The following CORIN variants were observed in gnomAD, a reference collection of about 807,000 sequenced individuals.
CORIN encodes the protein corin, serine peptidase.
A neutral mutation model predicts 125.3 loss-of-function variants in CORIN; 117 were observed. That is an observed-to-expected ratio of 0.93 (90% CI 0.80 to 1.09). The LOEUF is 1.09. Ranked by LOEUF, CORIN falls within the 50% of genes least tolerant of loss-of-function variation. The pLI, the probability that CORIN is intolerant of heterozygous loss-of-function variation, is 0.00. For synonymous variants in CORIN, 450 were observed against 466.4 expected (o/e 0.96, Z 0.45); for missense variants, 1,253 against 1,306.7 (o/e 0.96, Z 0.63).
chr4:47,624,086 C>T, intron 17 of CORIN, 138 bp from the exon 18 acceptor site: 2 of 697,066 alleles, frequency 2.9e-6, no homozygotes, highest in Non-Finnish European at 4.9e-6. Context: ...CCTGTGTTAC[C>T]ACAGGAAAGC....
intron 5 of CORIN, among the ~76,000 whole-genome samples, chr4:47,717,226 G>C: frequency 6.6e-6 from 1 of 152,048 alleles, no homozygotes. Context: ...GGATCTAATA[G>C]ACAACTCACG....
intron 1 of CORIN, among the ~76,000 whole-genome samples, chr4:47,815,260 A>C (rs1395484969): frequency 6.6e-6 from 1 of 152,084 alleles, no homozygotes; most frequent in Non-Finnish European, 1.5e-5. Flanking sequence ...AAAGCAAAAG[A>C]AAAATGAAAA....
At chr4:47,636,254 C>T (rs6825929) in intron 16 of CORIN, among the ~76,000 whole-genome samples, 2,276 of 152,264 alleles carry the variant, frequency 0.015, 20 homozygotes, top group Non-Finnish European at 0.024. Context: ...CACACTGTTT[C>T]CCGATTATCT....
chr4:47,668,012 G>A (rs560061917), intron 10 of CORIN, among the ~76,000 whole-genome samples: 84 of 152,202 alleles, frequency 5.5e-4, no homozygotes, highest in African/African-American at 1.9e-3. Context: ...GATCTCTCTC[G>A]CTCTCTTTTC....
At position 47,594,640 on chromosome 4, in the gene CORIN, T is replaced by C. The variant is rs1208420201; in HGVS notation, c.*1081A>G. 2 of 152,176 alleles carry C rather than the reference T, an allele frequency of 1.3e-5. No homozygotes were observed. The highest frequency in any genetic ancestry group is 4.8e-5 in the African/African-American group (2 of 41,452). The allele number at this position is 152,176 out of a possible 1,614,324, so 9.4% of individuals were successfully genotyped here. A position where few individuals can be genotyped will look rare whatever the true frequency, so the allele number is the denominator to read the frequency against. On this transcript the variant is annotated 3_prime_UTR_variant, in exon 22 of 22. Transcript: ENST00000273857. ...CTTACTGTGCTCTAAAATATGCTCT[T>C]TATGACTTTGTTGGTATGGATGAAC...
Position 47,678,039 on chromosome 4 carries a change from C to T in CORIN, c.1148G>A (p.Gly383Asp), listed in dbSNP as rs1725108661. The T allele has an allele frequency of 1.9e-6, 3 of 1,613,672 alleles. No individual in the cohort carries two copies. Among genetic ancestry groups the T allele is most frequent in the Non-Finnish European group, 2.5e-6 (3 of 1,179,620 alleles). ...DEVNCSCHSQ[G>D]LVECRNGQCI... The stretch of plus-strand genomic sequence containing the variant: ...TTGTCCATTTCTGCATTCCACCAGA[C>T]CCTGGCTGTGACAGGCTAGGAAGGA... Residue 383 changes from glycine (G) to aspartate (D), a missense_variant, in exon 9 of 22, where the codon GGT becomes GAT. By Grantham distance (94) the Gly-to-Asp change is moderately conservative (BLOSUM62 -1). Transcript: ENST00000273857.
intron 12 of CORIN, among the ~76,000 whole-genome samples, chr4:47,660,092 C>T (rs1474292948): frequency 6.6e-5 from 10 of 152,204 alleles, no homozygotes; most frequent in Non-Finnish European, 7.4e-5. Flanking sequence ...GGGGAAAGGA[C>T]AGTCTCTTCA....
At chr4:47,736,276 AAAC>A (rs1437687938) in intron 5 of CORIN, among the ~76,000 whole-genome samples, 1 of 152,180 alleles carries the variant, frequency 6.6e-6, no homozygotes, top group African/African-American at 2.4e-5. Flanking sequence ...GACCTCTACT[AAAC>A]AACGTGTGAA....
intron 5 of CORIN, among the ~76,000 whole-genome samples, chr4:47,714,309 C>A (rs545295632): frequency 6.6e-6 from 1 of 151,828 alleles, no homozygotes; most frequent in Non-Finnish European, 1.5e-5. Flanking sequence ...TAACACAAAC[C>A]GAAAATTTAA....
rs1470788986 is a variant in CORIN at position 47,806,970 on chromosome 4, T to C, written c.141A>G (p.Leu47=). ...AGATACATGGAATCAGGACCAGCAATAGGAACCGGAGGAGGTTAGCAGTCG... is the reference window on the plus strand; with the variant it reads ...AGATACATGGAATCAGGACCAGCAACAGGAACCGGAGGAGGTTAGCAGTCG... ...KLATANLLRF[L]LLVLIPCICA... Residue 47 remains leucine, a synonymous_variant, in exon 2 of 22, where the codon CTA becomes CTG. Coordinates refer to ENST00000273857, the MANE Select transcript of CORIN (RefSeq NM_006587.4). The C allele has an allele frequency of 6.2e-7, 1 of 1,613,804 alleles. No individual in the cohort carries two copies. Among genetic ancestry groups the C allele is most frequent in the African/African-American group, 1.3e-5 (1 of 74,902 alleles).
At chr4:47,651,215 GATTCATGACAATGAATAGTTAATTGTCC>G (rs1490757283) in intron 13 of CORIN, among the ~76,000 whole-genome samples, 1 of 152,248 alleles carries the variant, frequency 6.6e-6, no homozygotes, top group Middle Eastern at 3.2e-3. Context: ...GGGAGCTGCA[GATTCATGACAATGAATAGTTAATTGTCC>G]AATTATTCAG....
intron 6 of CORIN, among the ~76,000 whole-genome samples, chr4:47,687,293 AGTGTCTC>A (rs1725563071): frequency 6.6e-6 from 1 of 152,256 alleles, no homozygotes; most frequent in Non-Finnish European, 1.5e-5. Context: ...CAAAGATCAC[AGTGTCTC>A]CTTTTACTGA....
intron 5 of CORIN, among the ~76,000 whole-genome samples, chr4:47,715,656 A>G (rs1727056003): frequency 6.6e-6 from 1 of 152,120 alleles, no homozygotes; most frequent in Admixed American, 6.6e-5. Context: ...CAGAAATAAG[A>G]ACACCTCCAA....
chr4:47,639,378 T>C (rs991773873), intron 16 of CORIN, among the ~76,000 whole-genome samples: 7 of 152,202 alleles, frequency 4.6e-5, no homozygotes, highest in Admixed American at 4.6e-4. Context: ...TACCTACATG[T>C]CTTCCCCACT....
At chr4:47,657,081 T>G (rs761178810) in intron 12 of CORIN, among the ~76,000 whole-genome samples, 1 of 151,884 alleles carries the variant, frequency 6.6e-6, no homozygotes, top group Non-Finnish European at 1.5e-5. Context: ...ATCAAAGAAA[T>G]GAAAGGTCTC....
chr4:47,645,756 C>T (rs1031442931), intron 13 of CORIN, among the ~76,000 whole-genome samples: 4 of 151,886 alleles, frequency 2.6e-5, no homozygotes, highest in African/African-American at 4.8e-5. Flanking sequence ...CAAGGTAGTG[C>T]GTGCCTGTAA....
intron 4 of CORIN, among the ~76,000 whole-genome samples, chr4:47,763,113 T>G (rs1215822583): frequency 6.6e-6 from 1 of 152,218 alleles, no homozygotes; most frequent in Non-Finnish European, 1.5e-5. Flanking sequence ...GAGTGTGTTG[T>G]CTGTCTTATG....
At chr4:47,631,873 T>C (rs1722820736) in intron 16 of CORIN, among the ~76,000 whole-genome samples, 1 of 152,236 alleles carries the variant, frequency 6.6e-6, no homozygotes, top group Admixed American at 6.5e-5. Flanking sequence ...TTATATTTGC[T>C]TCTTGAGGAA....
intron 3 of CORIN, among the ~76,000 whole-genome samples, chr4:47,783,742 C>G (rs7698105): frequency 0.15 from 22,647 of 151,852 alleles, 1,904 homozygotes; most frequent in East Asian, 0.32. Context: ...AAATAAACAT[C>G]AAGTCATAGA....
Sources: allele counts gnomAD v4.1 joint callset (sites outside exome capture counted in the v4.1 genomes callset), GRCh38; gene constraint gnomAD v4.1.1; transcripts MANE v1.5; gene names NCBI Gene and HGNC (gene_info 2026-07-23, HGNC 2026-07-21).